The following ADAM23 variants were observed in gnomAD, a reference collection of about 807,000 sequenced individuals.
ADAM23 encodes ADAM metallopeptidase domain 23, also known as disintegrin and metalloproteinase domain-containing protein 23.
Under a neutral mutation model 120.1 loss-of-function variants are expected in ADAM23, and 33 were observed. That is an observed-to-expected ratio of 0.27 (90% confidence interval 0.21 to 0.37). ADAM23 has a LOEUF of 0.37. ADAM23 is among the 10% of genes least tolerant of loss of function. The pLI is 1.00. For missense variants in ADAM23, 862 were observed against 1,058.2 expected (o/e 0.81, Z 2.57); for synonymous variants, 367 against 375.2 (o/e 0.98, Z 0.25).
At chr2:206,614,716 A>G (rs1393832022) in intron 25 of ADAM23, among the ~76,000 whole-genome samples, 1 of 152,080 alleles carries the variant, frequency 6.6e-6, no homozygotes, top group African/African-American at 2.4e-5. Flanking sequence ...TAATATTGTT[A>G]ATTATATTTT....
rs948985905 is a variant in ADAM23 at position 206,619,196 on chromosome 2, G to T, written c.*1569G>T. On this transcript the variant is annotated 3_prime_UTR_variant, in exon 26 of 26. Coordinates refer to ENST00000264377, the MANE Select transcript of ADAM23 (RefSeq NM_003812.4). ...CTTGTTTGACCTCTGGCATTTTACT[G>T]ATCAGTGGACCGTTGCACTGGATTA... 6.6e-6 allele frequency: 1 copy of T among 152,198 alleles called. No individual in the cohort carries two copies. The highest frequency in any genetic ancestry group is 6.5e-5 in the Admixed American group (1 of 15,278). 9.4% of individuals were successfully genotyped at this position (152,198 alleles called of 1,614,324 possible).
intron 24 of ADAM23, chr2:206,606,456 T>C (rs1698730406): frequency 6.6e-6 from 1 of 152,222 alleles, no homozygotes; most frequent in Non-Finnish European, 1.5e-5. Flanking sequence ...GGTTAATAAT[T>C]CAAAATTGAA....
intron 18 of ADAM23, among the ~76,000 whole-genome samples, chr2:206,582,839 A>C (rs2105841293): frequency 6.6e-6 from 1 of 152,318 alleles, no homozygotes; most frequent in East Asian, 1.9e-4. Flanking sequence ...TGAATACAAA[A>C]TTCTTGGCTA....
At chr2:206,529,416 T>C (rs969717299) in intron 3 of ADAM23, among the ~76,000 whole-genome samples, 6 of 152,146 alleles carry the variant, frequency 3.9e-5, no homozygotes, top group Non-Finnish European at 7.4e-5. Flanking sequence ...TTCTTTCTTT[T>C]GAGACAGGGT....
At chr2:206,467,496 C>G (rs575775716) in intron 2 of ADAM23, among the ~76,000 whole-genome samples, 1 of 152,354 alleles carries the variant, frequency 6.6e-6, no homozygotes, top group African/African-American at 2.4e-5. Context: ...GTCTCCCATC[C>G]AGGGCACACT....
At chr2:206,507,925 C>G (rs1696528499) in intron 3 of ADAM23, among the ~76,000 whole-genome samples, 1 of 152,130 alleles carries the variant, frequency 6.6e-6, no homozygotes, top group Non-Finnish European at 1.5e-5. Flanking sequence ...TCCTGTGCAG[C>G]CTGCTTGGGC....
chr2:206,495,316 A>G (rs62195943), intron 3 of ADAM23, among the ~76,000 whole-genome samples: 1 of 152,220 alleles, frequency 6.6e-6, no homozygotes, highest in Non-Finnish European at 1.5e-5. Context: ...CAGAAACTCT[A>G]CAAGCCAGAA....
In ADAM23 at chr2:206,550,896, C is replaced by T. The variant is rs142198430; in HGVS notation, c.933+736C>T. Among the ~76,000 whole-genome samples, 532 of 152,242 alleles carry T rather than the reference C, an allele frequency of 3.5e-3. 4 individuals carry two copies. The highest frequency in any genetic ancestry group is 0.012 in the African/African-American group (501 of 41,532). On this transcript the variant is annotated intron_variant, in intron 9 of 25. Coordinates refer to ENST00000264377, the MANE Select transcript of ADAM23 (RefSeq NM_003812.4). ...GATTACAGGCGTGAGCCACCGCGCC[C>T]GGCGACTTATCGTCTTTAAATATTG...
intron 9 of ADAM23, among the ~76,000 whole-genome samples, chr2:206,552,470 A>T (rs1419186132): frequency 1.3e-5 from 2 of 152,272 alleles, no homozygotes; most frequent in South Asian, 2.1e-4. Flanking sequence ...AACCCTTCTC[A>T]ATGGTAAACA....
At chr2:206,554,224 G>C (rs1697593117) in intron 9 of ADAM23, among the ~76,000 whole-genome samples, 2 of 152,022 alleles carry the variant, frequency 1.3e-5, no homozygotes, top group Admixed American at 6.6e-5. Context: ...CATTATCAGT[G>C]GCTTTCCATT....
chr2:206,450,996 G>GAACTGCAT (rs1695181955), intron 2 of ADAM23, among the ~76,000 whole-genome samples: 1 of 152,210 alleles, frequency 6.6e-6, no homozygotes, highest in Admixed American at 6.5e-5. Context: ...GTTACTAGTG[G>GAACTGCAT]AAGGAACAGA....
In ADAM23 at chr2:206,557,452, C is replaced by A; in HGVS notation, c.959C>A (p.Ala320Glu). 1 of 1,613,784 alleles carries A rather than the reference C, an allele frequency of 6.2e-7. No homozygotes were observed. The highest frequency in any genetic ancestry group is 8.5e-7 in the Non-Finnish European group (1 of 1,179,722). ...KTYKKHRSSH[A>E]HTNNFAKSVV... is the part of the protein sequence containing the mutation. ...TATAAGAAGCATCGCTCTTCTCATGCACATACCAACAACTTTGCAAAGTCC... is the reference window on the plus strand; with the variant it reads ...TATAAGAAGCATCGCTCTTCTCATGAACATACCAACAACTTTGCAAAGTCC... The change falls in exon 10 of 26, where the codon GCA becomes GAA. Residue 320 changes from alanine (A) to glutamate (E), a missense_variant. This residue lies in a region of ADAM23 where 617 missense variants were observed against 813.5 expected (regional missense o/e 0.76). Transcript: ENST00000264377.
intron 2 of ADAM23, among the ~76,000 whole-genome samples, chr2:206,473,571 A>G (rs930240732): frequency 1.4e-5 from 2 of 147,958 alleles, no homozygotes; most frequent in Admixed American, 1.4e-4. Flanking sequence ...ACCCATCTCT[A>G]AAATAATAAT....
At chr2:206,456,879 GT>G (rs1695311873) in intron 2 of ADAM23, among the ~76,000 whole-genome samples, 1 of 152,200 alleles carries the variant, frequency 6.6e-6, no homozygotes, top group African/African-American at 2.4e-5. Context: ...TCCAGTGCCT[GT>G]TTTAGAACCT....
intron 9 of ADAM23, among the ~76,000 whole-genome samples, chr2:206,556,895 C>T (rs1196327568): frequency 3.9e-5 from 6 of 152,010 alleles, no homozygotes; most frequent in South Asian, 2.1e-4. Context: ...TTGATCTGTG[C>T]GTGGCCTTGA....
intron 18 of ADAM23, among the ~76,000 whole-genome samples, chr2:206,585,674 C>T (rs1698307665): frequency 6.6e-6 from 1 of 152,040 alleles, no homozygotes. Flanking sequence ...CTGCCACATG[C>T]CTGGTGTTGT....
chr2:206,543,215 T>G, intron 5 of ADAM23, 38 bp from the exon 6 acceptor site: 1 of 1,592,140 alleles, frequency 6.3e-7, no homozygotes, highest in Non-Finnish European at 8.6e-7. Flanking sequence ...TTCCTGTGTT[T>G]GTTTATTCCC....
In ADAM23 at chr2:206,573,184, G is replaced by A; in HGVS notation, c.1726G>A (p.Asp576Asn). Residue 576 changes from aspartate to asparagine, a missense_variant, in exon 18 of 26, where the codon GAC (aspartate) becomes AAC (asparagine). Asp to Asn is a conservative substitution (Grantham distance 23). Coordinates refer to ENST00000264377, the MANE Select transcript of ADAM23 (RefSeq NM_003812.4). ...ECDITEYCTG[D>N]SGQCPPNLHK... The stretch of plus-strand genomic sequence containing the variant: ...TGATATTACTGAATATTGTACTGGA[G>A]ACTCTGGTCAGGTATGGCGCACTGA... 4 of 1,613,932 alleles carry A rather than the reference G, an allele frequency of 2.5e-6. No homozygotes were observed. The highest frequency in any genetic ancestry group is 3.4e-6 in the Non-Finnish European group (4 of 1,179,844).
chr2:206,464,588 A>G lies in ADAM23; in HGVS notation c.433-16644A>G, dbSNP rs181542654. On this transcript the variant is annotated intron_variant, in intron 2 of 25. Transcript: ENST00000264377. ...AGACTGTCTCAAAAAAAAAAATAAT[A>G]ATAATAATAAAAAGAAACAAAAGTT... Among the ~76,000 whole-genome samples, 6 of 151,990 alleles carry G rather than the reference A, an allele frequency of 3.9e-5. No homozygotes were observed. The East Asian group carries it at 1.2e-3, about 29-fold the overall frequency.
Sources: gnomAD v4.1 joint callset for allele counts (sites outside exome capture counted in the v4.1 genomes callset) on GRCh38, gnomAD v4.1.1 for gene constraint, gnomAD v4.1.1 regional missense constraint, MANE v1.5 for transcripts, NCBI Gene and HGNC (gene_info 2026-07-23, HGNC 2026-07-21) for gene names.